The following IER5 variants were observed in gnomAD, a reference collection of about 807,000 sequenced individuals.
The protein encoded by IER5 is immediate early response gene 5 protein.
IER5 carries 3 observed loss-of-function variants against 8.2 expected under a neutral mutation model. That is an observed-to-expected ratio of 0.36 (90% CI 0.17 to 0.94). The LOEUF is 0.94. IER5 is among the 40% of genes least tolerant of loss of function. The probability of loss-of-function intolerance (pLI) is 0.43; values close to 1 mark genes in which losing one functional copy is unlikely to be tolerated. For synonymous variants in IER5, 286 were observed against 230.1 expected, an observed-to-expected ratio of 1.24 and a Z score of -2.20; for missense variants, 531 against 494.3, an observed-to-expected ratio of 1.07 and a Z score of -0.70.
chr1:181,089,124 G>C lies in IER5; in HGVS notation c.222G>C (p.Glu74Asp). Residue 74 changes from glutamate to aspartate, a missense_variant, in exon 1 of 1, where the codon GAG becomes GAC. By Grantham distance (45) the Glu-to-Asp change is conservative. Transcript: ENST00000367577. ...CGCCACCGCAGCAGCAGCCCGGGGA[G>C]CCGGCGGCCGGGCCACCCGCCGGCT... ...PAPPPQQQPG[E>D]PAAGPPAGWG... The C allele has an allele frequency of 5.0e-6, 7 of 1,402,166 alleles. No homozygotes were observed. Among genetic ancestry groups the C allele is most frequent in the Non-Finnish European group, 6.5e-6 (7 of 1,080,968 alleles). 86.9% of individuals were successfully genotyped at this position (1,402,166 alleles called of 1,614,324 possible).
rs1659388475 is a variant in IER5 at position 181,088,773 on chromosome 1, G to C, written c.-130G>C. ...TAGTAGAGCAGCGCGCGCGTCACCAGAGTCGTTTCTCTTCGGAGTCTTAGG... is the reference window on the plus strand; with the variant it reads ...TAGTAGAGCAGCGCGCGCGTCACCACAGTCGTTTCTCTTCGGAGTCTTAGG... On this transcript the variant is annotated 5_prime_UTR_variant, in exon 1 of 1. Coordinates refer to ENST00000367577, the MANE Select transcript of IER5 (RefSeq NM_016545.5). The C allele has an allele frequency of 6.0e-6, 4 of 671,552 alleles. No homozygotes were observed. The South Asian group carries it at 6.5e-5, about 11-fold the overall frequency. The allele number at this position is 671,552 out of a possible 1,614,324, so 41.6% of individuals were successfully genotyped here. A position where few individuals can be genotyped will look rare whatever the true frequency, so the allele number is the denominator to read the frequency against.
In IER5 at chr1:181,088,707, G is replaced by T. The variant is rs550354919; in HGVS notation, c.-196G>T. 73 of 564,684 alleles carry T rather than the reference G, an allele frequency of 1.3e-4. No individual in the cohort carries two copies. The highest frequency in any genetic ancestry group is 5.7e-4 in the Admixed American group (16 of 27,912). The allele number at this position is 564,684 out of a possible 1,614,324, so 35.0% of individuals were successfully genotyped here. A position where few individuals can be genotyped will look rare whatever the true frequency, so the allele number is the denominator to read the frequency against. On this transcript the variant is annotated 5_prime_UTR_variant, in exon 1 of 1. Transcript: ENST00000367577. Reference sequence around the variant, plus strand: ...GGGCAGCCAGGCTGCCCTGTTTAGCGACCGGACCCGAAACGGGGAAGTTGT... The same window carrying T: ...GGGCAGCCAGGCTGCCCTGTTTAGCTACCGGACCCGAAACGGGGAAGTTGT...
In IER5 at chr1:181,090,991, A is replaced by G. The variant is rs1056967739; in HGVS notation, c.*1105A>G. 2.6e-5 allele frequency: 4 copies of G among 152,198 alleles called. No homozygotes were observed. The highest frequency in any genetic ancestry group is 5.9e-5 in the Non-Finnish European group (4 of 68,030). 9.4% of individuals were successfully genotyped at this position (152,198 alleles called of 1,614,324 possible). A position where few individuals can be genotyped will look rare whatever the true frequency, so the allele number is the denominator to read the frequency against. On this transcript the variant is annotated 3_prime_UTR_variant, in exon 1 of 1. Transcript: ENST00000367577. ...TTGTTTACTGACTCCACTAAGTATC[A>G]AGAGAGACACGTTTAATTTTTCCTC...
chr1:181,089,514 G>A lies in IER5; in HGVS notation c.612G>A (p.Ala204=), dbSNP rs1250407171. Residue 204 remains alanine (A), a synonymous_variant, in exon 1 of 1, where the codon GCG becomes GCA. Coordinates refer to ENST00000367577, the MANE Select transcript of IER5 (RefSeq NM_016545.5). Reference sequence around the variant, plus strand: ...CCTGCTGCTGCGCGCCGCAACCAGCGGAGGACGAGCCCCCCGCGCCGCCCG... The same window carrying A: ...CCTGCTGCTGCGCGCCGCAACCAGCAGAGGACGAGCCCCCCGCGCCGCCCG... ...RAACCCAPQP[A]EDEPPAPPAV... The A allele has an allele frequency of 7.7e-7, 1 of 1,302,138 alleles. No individual in the cohort carries two copies. The highest frequency in any genetic ancestry group is 1.6e-5 in the African/African-American group (1 of 64,408). The allele number at this position is 1,302,138 out of a possible 1,614,324, so 80.7% of individuals were successfully genotyped here.
At position 181,092,035 on chromosome 1, in the gene IER5, G is replaced by A. The variant is rs1034546636; in HGVS notation, c.*2149G>A. The A allele has an allele frequency of 6.6e-6, 1 of 152,080 alleles. No individual in the cohort carries two copies. Among genetic ancestry groups the A allele is most frequent in the Admixed American group, 6.6e-5 (1 of 15,266 alleles). 9.4% of individuals were successfully genotyped at this position (152,080 alleles called of 1,614,324 possible). A position where few individuals can be genotyped will look rare whatever the true frequency, so the allele number is the denominator to read the frequency against. On this transcript the variant is annotated 3_prime_UTR_variant, in exon 1 of 1. Coordinates refer to ENST00000367577, the MANE Select transcript of IER5 (RefSeq NM_016545.5). The stretch of plus-strand genomic sequence containing the variant: ...TCTCAAATTAGGGTCTTGTTAAACT[G>A]ACTTTTTCTTTCAGAAAGTAGCTAC...
At position 181,091,257 on chromosome 1, in the gene IER5, A is replaced by G. The variant is rs1659468865; in HGVS notation, c.*1371A>G. 6.8e-6 allele frequency: 1 copy of G among 146,848 alleles called. No individual in the cohort carries two copies. The highest frequency in any genetic ancestry group is 1.5e-5 in the Non-Finnish European group (1 of 66,128). The allele number at this position is 146,848 out of a possible 1,614,324, so 9.1% of individuals were successfully genotyped here. The stretch of plus-strand genomic sequence containing the variant: ...GGGTCATCTTTTAGCTTTGTAATTG[A>G]AAAAAAAAAAGTTTAGATAGTAGTT... On this transcript the variant is annotated 3_prime_UTR_variant, in exon 1 of 1. Transcript: ENST00000367577.
Position 181,088,784 on chromosome 1 carries a change from C to G in IER5, c.-119C>G. On this transcript the variant is annotated 5_prime_UTR_variant, in exon 1 of 1. Coordinates refer to ENST00000367577, the MANE Select transcript of IER5 (RefSeq NM_016545.5). ...CGCGCGCGTCACCAGAGTCGTTTCT[C>G]TTCGGAGTCTTAGGTGATCGAGGGT... is the stretch of plus-strand genomic sequence containing the variant. The G allele has an allele frequency of 1.3e-4, 68 of 517,786 alleles. No homozygotes were observed. Among genetic ancestry groups the G allele is most frequent in the Middle Eastern group, 3.7e-4 (1 of 2,668 alleles). 32.1% of individuals were successfully genotyped at this position (517,786 alleles called of 1,614,324 possible). A position where few individuals can be genotyped will look rare whatever the true frequency, so the allele number is the denominator to read the frequency against.
Position 181,089,455 on chromosome 1 carries a change from C to A in IER5, c.553C>A (p.Pro185Thr). Reference sequence around the variant, plus strand: ...CGGCTGCCCCCTAGGCGGGGAGGACCCGCCGGGTACACCGGCCGCGACCCC... The same window carrying A: ...CGGCTGCCCCCTAGGCGGGGAGGACACGCCGGGTACACCGGCCGCGACCCC... ...PCGCPLGGED[P>T]PGTPAATPRA... The change falls in exon 1 of 1, where the codon CCG becomes ACG. Residue 185 changes from proline (P) to threonine (T), a missense_variant. Pro to Thr is a conservative substitution (Grantham distance 38). Transcript: ENST00000367577. 2 of 1,362,480 alleles carry A rather than the reference C, an allele frequency of 1.5e-6. No individual in the cohort carries two copies. Among genetic ancestry groups the A allele is most frequent in the Non-Finnish European group, 1.9e-6 (2 of 1,057,890 alleles). 84.4% of individuals were successfully genotyped at this position (1,362,480 alleles called of 1,614,324 possible).
rs1659388364 is a variant in IER5 at position 181,088,770 on chromosome 1, CCA to C, written c.-132_-131del. 1 of 674,682 alleles carries C rather than the reference CCA, an allele frequency of 1.5e-6. No individual in the cohort carries two copies. Among genetic ancestry groups the C allele is most frequent in the Admixed American group, 2.9e-5 (1 of 34,462 alleles). The allele number at this position is 674,682 out of a possible 1,614,324, so 41.8% of individuals were successfully genotyped here. A position where few individuals can be genotyped will look rare whatever the true frequency, so the allele number is the denominator to read the frequency against. On this transcript the variant is annotated 5_prime_UTR_variant, in exon 1 of 1. Transcript: ENST00000367577. ...GGTTAGTAGAGCAGCGCGCGCGTCACCAGAGTCGTTTCTCTTCGGAGTCTTAG... is the reference window on the plus strand; with the variant it reads ...GGTTAGTAGAGCAGCGCGCGCGTCACGAGTCGTTTCTCTTCGGAGTCTTAG...
chr1:181,091,706 G>C lies in IER5; in HGVS notation c.*1820G>C, dbSNP rs973645229. ...TAGGGAATGGTGTTTATTAAAATAC[G>C]GTACAGTTGCCAGGACTTTAAAAGA... On this transcript the variant is annotated 3_prime_UTR_variant, in exon 1 of 1. Coordinates refer to ENST00000367577, the MANE Select transcript of IER5 (RefSeq NM_016545.5). 1 of 152,102 alleles carries C rather than the reference G, an allele frequency of 6.6e-6. No individual in the cohort carries two copies. The highest frequency in any genetic ancestry group is 1.5e-5 in the Non-Finnish European group (1 of 68,026). The allele number at this position is 152,102 out of a possible 1,614,324, so 9.4% of individuals were successfully genotyped here.
In IER5 at chr1:181,089,627, C is replaced by T. The variant is rs1288459271; in HGVS notation, c.725C>T (p.Pro242Leu). 2 of 1,612,254 alleles carry T rather than the reference C, an allele frequency of 1.2e-6. No homozygotes were observed. Among genetic ancestry groups the T allele is most frequent in the East Asian group, 2.2e-5 (1 of 44,836 alleles). ...CCCGGCTCGACCCCGCTCAAGAAGC[C>T]CCGCCGGAACTTAGAGCAGCCGCCG... is the stretch of plus-strand genomic sequence containing the variant. ...PAPGSTPLKK[P>L]RRNLEQPPSG... is the part of the protein sequence containing the mutation. Residue 242 changes from proline to leucine, a missense_variant, in exon 1 of 1, where the codon CCC becomes CTC. By Grantham distance (98) the Pro-to-Leu change is moderately conservative. Transcript: ENST00000367577.
In IER5 at chr1:181,089,457, G is replaced by A. The variant is rs1253771514; in HGVS notation, c.555G>A (p.Pro185=). Residue 185 remains proline (P), a synonymous_variant, in exon 1 of 1, where the codon CCG becomes CCA. Coordinates refer to ENST00000367577, the MANE Select transcript of IER5 (RefSeq NM_016545.5). ...GCTGCCCCCTAGGCGGGGAGGACCC[G>A]CCGGGTACACCGGCCGCGACCCCCC... ...PCGCPLGGED[P]PGTPAATPRA... is the part of the protein sequence containing the mutation. 5.1e-6 allele frequency: 7 copies of A among 1,362,440 alleles called. No homozygotes were observed. The African/African-American group carries it at 7.6e-5, about 15-fold the overall frequency. The allele number at this position is 1,362,440 out of a possible 1,614,324, so 84.4% of individuals were successfully genotyped here.
At position 181,089,350 on chromosome 1, in the gene IER5, G is replaced by A. The variant is rs1659409945; in HGVS notation, c.448G>A (p.Ala150Thr). The A allele has an allele frequency of 6.6e-7, 1 of 1,518,348 alleles. No homozygotes were observed. The highest frequency in any genetic ancestry group is 1.2e-5 in the South Asian group (1 of 81,388). 94.1% of individuals were successfully genotyped at this position (1,518,348 alleles called of 1,614,324 possible). A position where few individuals can be genotyped will look rare whatever the true frequency, so the allele number is the denominator to read the frequency against. ...GAGCCGCGTGGAGGGGCCGCGCCAG[G>A]CGGCGGCCAGAGAAGCCGAGGGTAC... ...AWSRVEGPRQ[A>T]AAREAEGTAG... Residue 150 changes from alanine to threonine, a missense_variant, in exon 1 of 1, where the codon GCG becomes ACG. Physicochemically the swap from Ala to Thr is moderately conservative, Grantham distance 58. Coordinates refer to ENST00000367577, the MANE Select transcript of IER5 (RefSeq NM_016545.5).
rs1203753148 is a variant in IER5 at position 181,092,418 on chromosome 1, A to G, written c.*2532A>G. ...AGCAGTATAGTATAGTAGTTAGAGC[A>G]TGGGCCCTGGAGCCAGGCTGCTTGG... On this transcript the variant is annotated 3_prime_UTR_variant, in exon 1 of 1. Transcript: ENST00000367577. 2 of 151,954 alleles carry G rather than the reference A, an allele frequency of 1.3e-5. No individual in the cohort carries two copies. The highest frequency in any genetic ancestry group is 1.3e-4 in the Admixed American group (2 of 15,208). The allele number at this position is 151,954 out of a possible 1,614,324, so 9.4% of individuals were successfully genotyped here.
At position 181,090,829 on chromosome 1, in the gene IER5, T is replaced by C. The variant is rs1659460943; in HGVS notation, c.*943T>C. ...TACGTGTCTAACACGTATTAAATAT[T>C]TTGAAGCAACGTAACTGCCTGCTTG... is the stretch of plus-strand genomic sequence containing the variant. On this transcript the variant is annotated 3_prime_UTR_variant, in exon 1 of 1. Coordinates refer to ENST00000367577, the MANE Select transcript of IER5 (RefSeq NM_016545.5). 6.4e-6 allele frequency: 1 copy of C among 156,744 alleles called. No homozygotes were observed. The highest frequency in any genetic ancestry group is 6.5e-5 in the Admixed American group (1 of 15,284). The allele number at this position is 156,744 out of a possible 1,614,324, so 9.7% of individuals were successfully genotyped here. A position where few individuals can be genotyped will look rare whatever the true frequency, so the allele number is the denominator to read the frequency against.
Position 181,089,916 on chromosome 1 carries a change from G to T in IER5, c.*30G>T. 2 of 1,603,826 alleles carry T rather than the reference G, an allele frequency of 1.2e-6. No individual in the cohort carries two copies. The highest frequency in any genetic ancestry group is 2.2e-5 in the South Asian group (2 of 89,910). ...TTGGCCCCCCTGCGGGGAGGAGGTG[G>T]AGCAGCGGGCGTCCCCGAAGTGAGG... On this transcript the variant is annotated 3_prime_UTR_variant, in exon 1 of 1. Coordinates refer to ENST00000367577, the MANE Select transcript of IER5 (RefSeq NM_016545.5).
rs574470351 is a variant in IER5, at chr1:181,088,828, T to C, written c.-75T>C. On this transcript the variant is annotated 5_prime_UTR_variant, in exon 1 of 1. Transcript: ENST00000367577. ...CGAGGGTGTGCCCAGGGGGCGGACT[T>C]GTTTGCGCCTCCCGTTCCCTCCCAA... The C allele has an allele frequency of 6.7e-7, 1 of 1,495,856 alleles. No homozygotes were observed. Among genetic ancestry groups the C allele is most frequent in the Admixed American group, 1.8e-5 (1 of 55,062 alleles). The allele number at this position is 1,495,856 out of a possible 1,614,324, so 92.7% of individuals were successfully genotyped here. A position where few individuals can be genotyped will look rare whatever the true frequency, so the allele number is the denominator to read the frequency against.
In IER5 at chr1:181,089,903, C is replaced by T; in HGVS notation, c.*17C>T. 1.2e-6 allele frequency: 2 copies of T among 1,608,178 alleles called. No individual in the cohort carries two copies. Among genetic ancestry groups the T allele is most frequent in the Non-Finnish European group, 1.7e-6 (2 of 1,178,614 alleles). ...GCCTTCTGAGCCCTTGGCCCCCCTG[C>T]GGGGAGGAGGTGGAGCAGCGGGCGT... On this transcript the variant is annotated 3_prime_UTR_variant, in exon 1 of 1. Transcript: ENST00000367577.
At position 181,090,162 on chromosome 1, in the gene IER5, C is replaced by T. The variant is rs762060319; in HGVS notation, c.*276C>T. Reference sequence around the variant, plus strand: ...CTTGTGGCATTAAGACTATTTTGCTCTTCTGGAATGCACCACTCCTTCCCC... The same window carrying T: ...CTTGTGGCATTAAGACTATTTTGCTTTTCTGGAATGCACCACTCCTTCCCC... On this transcript the variant is annotated 3_prime_UTR_variant, in exon 1 of 1. Transcript: ENST00000367577. The T allele has an allele frequency of 2.0e-4, 102 of 506,216 alleles. No homozygotes were observed. Among genetic ancestry groups the T allele is most frequent in the Non-Finnish European group, 2.9e-4 (81 of 279,462 alleles). 31.4% of individuals were successfully genotyped at this position (506,216 alleles called of 1,614,324 possible). A position where few individuals can be genotyped will look rare whatever the true frequency, so the allele number is the denominator to read the frequency against.
Sources: gnomAD v4.1 joint callset for allele counts on GRCh38, gnomAD v4.1.1 for gene constraint, MANE v1.5 for transcripts, NCBI Gene and HGNC (gene_info 2026-07-23, HGNC 2026-07-21) for gene names.